Variants in ATP11A observed in about 807,000 individuals in gnomAD.
The protein encoded by ATP11A is phospholipid-transporting ATPase IH.
ATP11A carries 81 observed loss-of-function variants against 154.4 expected under a neutral mutation model. The observed-to-expected ratio is 0.52, with a 90% CI of 0.44 to 0.63. The LOEUF is 0.63. Ranked by LOEUF, ATP11A falls within the 30% of genes least tolerant of loss-of-function variation. The probability of loss-of-function intolerance (pLI) is 0.00; values close to 1 mark genes in which losing one functional copy is unlikely to be tolerated. For missense variants in ATP11A, 1,316 were observed against 1,474.3 expected (o/e 0.89, Z 1.76); for synonymous variants, 623 against 585.9 (o/e 1.06, Z -0.91).
chr13:112,719,403 T>A lies in ATP11A; in HGVS notation c.39+28948T>A, dbSNP rs138748862. 2.8e-4 allele frequency among the ~76,000 whole-genome samples: 42 copies of A among 152,378 alleles called. No individual in the cohort carries two copies. The East Asian group carries it at 6.4e-3, about 23-fold the overall frequency. ...TTTGAAACACTTTTAAAATGTAAGATTAATTAACTTGTAGGCTGTGGGAAT... is the reference window on the plus strand; with the variant it reads ...TTTGAAACACTTTTAAAATGTAAGAATAATTAACTTGTAGGCTGTGGGAAT... On this transcript the variant is annotated intron_variant, in intron 1 of 29. Coordinates refer to ENST00000375645, the MANE Select transcript of ATP11A (RefSeq NM_015205.3).
chr13:112,864,888 T>C (rs369071105), intron 25 of ATP11A, among the ~76,000 whole-genome samples: 425 of 31,242 alleles, frequency 0.014, 5 homozygotes, highest in Admixed American at 0.022. Context: ...AGTGCAGGCC[T>C]GCGCAGCTTC....
rs370300363 is a variant in ATP11A at position 112,713,737 on chromosome 13, A to G, written c.39+23282A>G. The stretch of plus-strand genomic sequence containing the variant: ...TTTAATCTTCTGATGACAGACAGCT[A>G]ACTGTTGATAAGGATAAAATGAAAC... On this transcript the variant is annotated intron_variant, in intron 1 of 29. Transcript: ENST00000375645. Among the ~76,000 whole-genome samples the G allele has an allele frequency of 4.8e-4, 73 of 152,258 alleles. No homozygotes were observed. The South Asian group carries it at 0.014, about 30-fold the overall frequency.
chr13:112,701,764 C>T (rs555543518), intron 1 of ATP11A, among the ~76,000 whole-genome samples: 307 of 152,080 alleles, frequency 2.0e-3, no homozygotes, highest in Non-Finnish European at 3.7e-3. Context: ...ACTGGGGAGG[C>T]GGAGCTTGCA....
intron 1 of ATP11A, among the ~76,000 whole-genome samples, chr13:112,726,617 C>T (rs113935636): frequency 2.6e-5 from 4 of 152,068 alleles, no homozygotes; most frequent in African/African-American, 4.8e-5. Context: ...ATGCTCCAGC[C>T]GGGGGTGCTG....
At position 112,859,185 on chromosome 13, in the gene ATP11A, G is replaced by T. The variant is rs968643609; in HGVS notation, c.2668-208G>T. 3.3e-5 allele frequency: 19 copies of T among 578,814 alleles called. No homozygotes were observed. Among genetic ancestry groups the T allele is most frequent in the Non-Finnish European group, 4.7e-5 (15 of 321,020 alleles). The allele number at this position is 578,814 out of a possible 1,614,324, so 35.9% of individuals were successfully genotyped here. On this transcript the variant is annotated intron_variant, in intron 22 of 29. Coordinates refer to ENST00000375645, the MANE Select transcript of ATP11A (RefSeq NM_015205.3). This position sits in a 1 kb window ranked among gnomAD's most constrained non-coding sequence, Gnocchi z 4.3. ...AGCTGACAAATTTCCTCTATACGTT[G>T]TCTGTCCTGAGTGGCCAAAACGTGG...
Position 112,785,002 on chromosome 13 carries a change from C to A in ATP11A, c.40-133C>A. ...GGGTGCTGGGCCCCAGGTCTCCCTG[C>A]AGCCCTGAACGATGCTCTCAGCAGC... On this transcript the variant is annotated intron_variant, in intron 1 of 29. Transcript: ENST00000375645. The surrounding 1 kb of genome is among the most constrained non-coding windows in gnomAD (Gnocchi z 4.8). 1 of 1,166,272 alleles carries A rather than the reference C, an allele frequency of 8.6e-7. No homozygotes were observed. Among genetic ancestry groups the A allele is most frequent in the Non-Finnish European group, 1.1e-6 (1 of 897,308 alleles). 72.2% of individuals were successfully genotyped at this position (1,166,272 alleles called of 1,614,324 possible). A position where few individuals can be genotyped will look rare whatever the true frequency, so the allele number is the denominator to read the frequency against.
At position 112,849,631 on chromosome 13, in the gene ATP11A, C is replaced by A. The variant is rs183466846; in HGVS notation, c.1810-1406C>A. Among the ~76,000 whole-genome samples the A allele has an allele frequency of 2.2e-3, 342 of 152,326 alleles. 1 individual carries two copies. The highest frequency in any genetic ancestry group is 7.1e-3 in the African/African-American group (295 of 41,566). On this transcript the variant is annotated intron_variant, in intron 17 of 29. Coordinates refer to ENST00000375645, the MANE Select transcript of ATP11A (RefSeq NM_015205.3). The stretch of plus-strand genomic sequence containing the variant: ...CATTCTGCAATTCGCATTTATGTCT[C>A]CAATCTGTAACTTGATCAACAGGTG...
intron 1 of ATP11A, among the ~76,000 whole-genome samples, chr13:112,782,217 A>G (rs113490578): frequency 0.027 from 4,094 of 152,284 alleles, 191 homozygotes; most frequent in African/African-American, 0.092. Flanking sequence ...TCGTTCCTCC[A>G]TGAGACAGGG....
chr13:112,747,119 CA>C (rs909559526), intron 1 of ATP11A: 2 of 151,932 alleles, frequency 1.3e-5, no homozygotes, highest in Non-Finnish European at 2.9e-5. Context: ...TGGTAGGGAT[CA>C]CCCGTCTGCT....
chr13:112,789,651 T>C (rs1392591804), intron 2 of ATP11A, among the ~76,000 whole-genome samples: 2 of 150,814 alleles, frequency 1.3e-5, no homozygotes, highest in Admixed American at 1.3e-4. Flanking sequence ...TGTAGACCCC[T>C]GTGGAGACCT....
At chr13:112,716,663 C>A (rs563409801) in intron 1 of ATP11A, among the ~76,000 whole-genome samples, 48 of 152,282 alleles carry the variant, frequency 3.2e-4, no homozygotes, top group Non-Finnish European at 5.9e-4. Flanking sequence ...ATGTCTTGGG[C>A]ACGTCGATGG....
At chr13:112,868,475 G>A (rs1316621398) in intron 25 of ATP11A, among the ~76,000 whole-genome samples, 1 of 152,362 alleles carries the variant, frequency 6.6e-6, no homozygotes, top group East Asian at 1.9e-4. Flanking sequence ...CAGCCCCAGA[G>A]GCAGATCTGC....
intron 3 of ATP11A, 147 bp downstream of exon 3, chr13:112,805,193 G>GC: frequency 1.9e-6 from 1 of 515,244 alleles, no homozygotes. Flanking sequence ...CTTAAGGAAG[G>GC]GCAAAATGTC....
At position 112,860,301 on chromosome 13, in the gene ATP11A, C is replaced by T. The variant is rs766735512; in HGVS notation, c.2742C>T (p.Thr914=). 39 of 1,614,010 alleles carry T rather than the reference C, an allele frequency of 2.4e-5. No individual in the cohort carries two copies. Among genetic ancestry groups the T allele is most frequent in the African/African-American group, 2.4e-4 (18 of 75,026 alleles). Residue 914 remains threonine, a synonymous_variant, in exon 24 of 30, where the codon ACC becomes ACT. Coordinates refer to ENST00000375645, the MANE Select transcript of ATP11A (RefSeq NM_015205.3). ...TCCTCTTACAGACTTTGTACGACAC[C>T]GCGTATCTGACCCTCTACAACATCA... is the stretch of plus-strand genomic sequence containing the variant. ...CGFSQQTLYD[T]AYLTLYNISF...
At chr13:112,826,602 C>T (rs57309065) in intron 11 of ATP11A, 92 bp from the exon 12 acceptor site, 1 of 1,039,414 alleles carries the variant, frequency 9.6e-7, no homozygotes, top group East Asian at 2.4e-5. Flanking sequence ...GCTCGTATAA[C>T]TTATGCCTAA....
chr13:112,785,374 C>A lies in ATP11A; in HGVS notation c.162+117C>A. ...CTCCTGGCCCTGCTGTCACAGCCAC[C>A]AGCCACCCCCAGCAAGGGCTTCGGA... On this transcript the variant is annotated intron_variant, in intron 2 of 29. Coordinates refer to ENST00000375645, the MANE Select transcript of ATP11A (RefSeq NM_015205.3). This position sits in a 1 kb window ranked among gnomAD's most constrained non-coding sequence, Gnocchi z 4.8. The A allele has an allele frequency of 8.4e-7, 1 of 1,192,928 alleles. No individual in the cohort carries two copies. Among genetic ancestry groups the A allele is most frequent in the Non-Finnish European group, 1.1e-6 (1 of 919,170 alleles). 73.9% of individuals were successfully genotyped at this position (1,192,928 alleles called of 1,614,324 possible).
rs2077593368 is a variant in ATP11A, at chr13:112,785,163, G to A, written c.68G>A (p.Ser23Asn). ...YCAGEENWVD[S>N]RTIYVGHREP... is the part of the protein sequence containing the mutation. ...GCAGGAGAAGAGAATTGGGTGGACA[G>A]CAGGACCATCTACGTGGGACACAGG... is the stretch of plus-strand genomic sequence containing the variant. The change falls in exon 2 of 30, where the codon AGC becomes AAC. Residue 23 changes from serine (S) to asparagine (N), a missense_variant. Ser to Asn is a conservative substitution (Grantham distance 46, BLOSUM62 1). Coordinates refer to ENST00000375645, the MANE Select transcript of ATP11A (RefSeq NM_015205.3). This position sits in a 1 kb window ranked among gnomAD's most constrained non-coding sequence, Gnocchi z 4.8. 1 of 1,569,702 alleles carries A rather than the reference G, an allele frequency of 6.4e-7. No homozygotes were observed. The highest frequency in any genetic ancestry group is 1.2e-5 in the South Asian group (1 of 85,148).
intron 1 of ATP11A, among the ~76,000 whole-genome samples, chr13:112,766,637 G>C (rs1284599072): frequency 6.6e-6 from 1 of 152,128 alleles, no homozygotes; most frequent in Non-Finnish European, 1.5e-5. Flanking sequence ...AAGGGGGAGG[G>C]TTTCCCTCAT....
chr13:112,733,872 C>A (rs1353266661), intron 1 of ATP11A, among the ~76,000 whole-genome samples: 1 of 152,160 alleles, frequency 6.6e-6, no homozygotes, highest in Non-Finnish European at 1.5e-5. Flanking sequence ...TGACTCAATT[C>A]TGTGATTCTT....
Sources: allele counts gnomAD v4.1 joint callset (sites outside exome capture counted in the v4.1 genomes callset), GRCh38; gene constraint gnomAD v4.1.1; non-coding constraint Gnocchi (gnomAD v3.1); transcripts MANE v1.5; gene names NCBI Gene and HGNC (gene_info 2026-07-23, HGNC 2026-07-21).